The following MMP16 variants were observed in gnomAD, a reference collection of about 807,000 sequenced individuals.
MMP16 encodes matrix metalloproteinase-16.
Under a neutral mutation model 67.8 loss-of-function variants are expected in MMP16, and 12 were observed. The ratio of observed to expected loss-of-function variants is 0.18; its 90% CI spans 0.11 to 0.29. The LOEUF is 0.29. Among genes scored for constraint, MMP16 ranks in the 10% least tolerant of loss-of-function variants. The pLI is 1.00. For missense variants in MMP16, 475 were observed against 765.7 expected (o/e 0.62, Z 4.48); for synonymous variants, 249 against 255.9 (o/e 0.97, Z 0.26).
intron 3 of MMP16, among the ~76,000 whole-genome samples, chr8:88,169,467 C>A (rs758398631): frequency 6.6e-6 from 1 of 152,056 alleles, no homozygotes; most frequent in African/African-American, 2.4e-5. Flanking sequence ...AGAGAAAAAC[C>A]TCTAAGTGGC....
At chr8:88,238,663 TAA>T (rs34127125) in intron 1 of MMP16, among the ~76,000 whole-genome samples, 14 of 99,872 alleles carry the variant, frequency 1.4e-4, no homozygotes, top group South Asian at 1.1e-3. Context: ...AAGACTCTGT[TAA>T]AAAAAAAAAA....
At chr8:88,092,679 A>C (rs923461839) in intron 6 of MMP16, among the ~76,000 whole-genome samples, 1 of 151,916 alleles carries the variant, frequency 6.6e-6, no homozygotes, top group Non-Finnish European at 1.5e-5. Context: ...ATGAAGATTA[A>C]AGTTATTCAA....
intron 4 of MMP16, among the ~76,000 whole-genome samples, chr8:88,151,716 G>A (rs1808410809): frequency 6.6e-6 from 1 of 151,706 alleles, no homozygotes; most frequent in Non-Finnish European, 1.5e-5. Flanking sequence ...TCAAAGCAGT[G>A]TGTAGAGGGA....
intron 1 of MMP16, among the ~76,000 whole-genome samples, chr8:88,214,899 G>C (rs148977219): frequency 6.6e-6 from 1 of 152,252 alleles, no homozygotes; most frequent in African/African-American, 2.4e-5. Flanking sequence ...CCAAACACTT[G>C]AAGGAGAGAA....
At chr8:88,294,281 C>A (rs914389593) in intron 1 of MMP16, among the ~76,000 whole-genome samples, 3 of 144,648 alleles carry the variant, frequency 2.1e-5, no homozygotes, top group Non-Finnish European at 3.0e-5. Context: ...TATATATACA[C>A]ACACACATAT....
chr8:88,316,638 C>A (rs1001104165), intron 1 of MMP16, among the ~76,000 whole-genome samples: 1 of 152,128 alleles, frequency 6.6e-6, no homozygotes, highest in Non-Finnish European at 1.5e-5. Context: ...ACCCAGAGCT[C>A]TGATGGAGAT....
chr8:88,047,081 G>C (rs1485535280), intron 8 of MMP16, among the ~76,000 whole-genome samples: 1 of 141,362 alleles, frequency 7.1e-6, no homozygotes, highest in East Asian at 2.8e-4. Flanking sequence ...GTATGCTAAA[G>C]TGAATAAAAA....
chr8:88,165,850 T>C (rs1003488348), intron 4 of MMP16, among the ~76,000 whole-genome samples: 3 of 152,092 alleles, frequency 2.0e-5, no homozygotes, highest in African/African-American at 7.2e-5. Context: ...TAAACATAAG[T>C]CTGTTTGCCT....
At chr8:88,227,425 T>A (rs1809788483) in intron 1 of MMP16, among the ~76,000 whole-genome samples, 1 of 151,952 alleles carries the variant, frequency 6.6e-6, no homozygotes. Flanking sequence ...AACTCCCACA[T>A]CTAAAAAGTA....
chr8:88,114,913 G>C (rs1358080379), intron 6 of MMP16, among the ~76,000 whole-genome samples: 1 of 151,848 alleles, frequency 6.6e-6, no homozygotes, highest in Non-Finnish European at 1.5e-5. Context: ...ATCAGTTCCT[G>C]ATTTCAGGAA....
chr8:88,159,534 GT>G (rs1310421222), intron 4 of MMP16, among the ~76,000 whole-genome samples: 2 of 150,994 alleles, frequency 1.3e-5, no homozygotes, highest in African/African-American at 4.8e-5. Flanking sequence ...CTTTGCTGAA[GT>G]TGCTTATGGG....
chr8:88,102,250 C>T (rs902894702), intron 6 of MMP16, among the ~76,000 whole-genome samples: 6 of 151,844 alleles, frequency 4.0e-5, no homozygotes, highest in Non-Finnish European at 5.9e-5. Flanking sequence ...CAACTCTGGA[C>T]CCACAGAACT....
chr8:88,201,382 T>TGGTATGG (rs1809343019), intron 1 of MMP16, among the ~76,000 whole-genome samples: 1 of 152,034 alleles, frequency 6.6e-6, no homozygotes, highest in African/African-American at 2.4e-5. Context: ...CCACCTAATG[T>TGGTATGG]GGTATGGCAA....
At chr8:88,272,835 TG>T (rs937615857) in intron 1 of MMP16, among the ~76,000 whole-genome samples, 1 of 152,114 alleles carries the variant, frequency 6.6e-6, no homozygotes, top group Admixed American at 6.5e-5. Flanking sequence ...AAAGCGAGTA[TG>T]TCAGGAATAC....
Position 88,041,570 on chromosome 8 carries a change from A to T in MMP16, c.1715T>A (p.Ile572Asn). 1 of 1,614,168 alleles carries T rather than the reference A, an allele frequency of 6.2e-7. No individual in the cohort carries two copies. Among genetic ancestry groups the T allele is most frequent in the Non-Finnish European group, 8.5e-7 (1 of 1,180,014 alleles). Residue 572 changes from isoleucine to asparagine, a missense_variant, in exon 10 of 10, where the codon ATC (isoleucine) becomes AAC (asparagine). Coordinates refer to ENST00000286614, the MANE Select transcript of MMP16 (RefSeq NM_005941.5). This position sits in a 1 kb window ranked among gnomAD's most constrained non-coding sequence, Gnocchi z 6.0. ...CAATACAAGGAGGCATAAGGCCAAG[A>T]TGCAGGGAATGACAATAGCTATGGC... is the stretch of plus-strand genomic sequence containing the variant. ...VKAIAIVIPC[I>N]LALCLLVLVY... is the part of the protein sequence containing the mutation.
At chr8:88,326,376 G>C (rs576655923) in intron 1 of MMP16, among the ~76,000 whole-genome samples, 1 of 152,072 alleles carries the variant, frequency 6.6e-6, no homozygotes, top group African/African-American at 2.4e-5. Context: ...AAACCTCCCC[G>C]TTTTGCCACG....
chr8:88,284,364 T>C (rs535550547), intron 1 of MMP16, among the ~76,000 whole-genome samples: 6 of 152,196 alleles, frequency 3.9e-5, no homozygotes, highest in Non-Finnish European at 8.8e-5. Flanking sequence ...ATACCTATCA[T>C]ATAATTTTAA....
chr8:88,090,495 G>C (rs566691146), intron 6 of MMP16, among the ~76,000 whole-genome samples: 18 of 151,938 alleles, frequency 1.2e-4, no homozygotes, highest in Non-Finnish European at 2.2e-4. Flanking sequence ...GCTACAATCA[G>C]ACAGTTACTT....
intron 1 of MMP16, among the ~76,000 whole-genome samples, chr8:88,252,356 A>C (rs1319347203): frequency 6.6e-6 from 1 of 152,050 alleles, no homozygotes; most frequent in East Asian, 1.9e-4. Context: ...TCATTATCTT[A>C]ATGGACAACT....
Sources: allele counts gnomAD v4.1 joint callset (sites outside exome capture counted in the v4.1 genomes callset), GRCh38; gene constraint gnomAD v4.1.1; non-coding constraint Gnocchi (gnomAD v3.1); transcripts MANE v1.5; gene names NCBI Gene and HGNC (gene_info 2026-07-23, HGNC 2026-07-21).